Variants in L3MBTL3 observed in about 807,000 individuals in gnomAD.
L3MBTL3 encodes the protein lethal(3)malignant brain tumor-like protein 3.
A neutral mutation model predicts 102.3 loss-of-function variants in L3MBTL3; 27 were observed. The ratio of observed to expected loss-of-function variants is 0.26; its 90% CI spans 0.19 to 0.36. L3MBTL3 has a LOEUF of 0.36. Among genes scored for constraint, L3MBTL3 ranks in the 10% least tolerant of loss-of-function variants. The pLI is 1.00. For missense variants in L3MBTL3, 798 were observed against 955.3 expected (o/e 0.84, Z 2.17); for synonymous variants, 340 against 320.9 (o/e 1.06, Z -0.64).
At chr6:130,030,665 TAAA>T (rs548921467) in intron 2 of L3MBTL3, among the ~76,000 whole-genome samples, 50 of 48,534 alleles carry the variant, frequency 1.0e-3, no homozygotes, top group African/African-American at 1.4e-3. Flanking sequence ...AGACTCTACC[TAAA>T]AAAAAAAAAA....
intron 20 of L3MBTL3, among the ~76,000 whole-genome samples, chr6:130,129,340 A>G (rs965074150): frequency 6.6e-6 from 1 of 152,232 alleles, no homozygotes; most frequent in Non-Finnish European, 1.5e-5. Context: ...GTTCATAAAC[A>G]TAATGAATAT....
chr6:130,021,966 T>G (rs571902380), intron 1 of L3MBTL3, among the ~76,000 whole-genome samples: 2 of 152,356 alleles, frequency 1.3e-5, no homozygotes, highest in Non-Finnish European at 2.9e-5. Flanking sequence ...ATGATCCTTG[T>G]AACTTTCACC....
intron 1 of L3MBTL3, chr6:130,020,392 C>CG (rs1778912115): frequency 8.2e-6 from 1 of 121,866 alleles, no homozygotes; most frequent in Admixed American, 8.1e-5. Context: ...GTGGCACGGG[C>CG]GGGGGGAGGG....
intron 6 of L3MBTL3, 145 bp from the exon 7 acceptor site, chr6:130,052,714 T>G (rs1781182767): frequency 1.1e-6 from 1 of 928,124 alleles, no homozygotes; most frequent in African/African-American, 1.7e-5. Context: ...TATGATATTC[T>G]CATGCCTACA....
intron 10 of L3MBTL3, among the ~76,000 whole-genome samples, chr6:130,065,673 G>A (rs935088267): frequency 1.3e-5 from 2 of 152,140 alleles, no homozygotes; most frequent in African/African-American, 4.8e-5. Flanking sequence ...AGAAGTCTCA[G>A]GGGCTGAACC....
At chr6:130,036,352 T>C in intron 2 of L3MBTL3, among the ~76,000 whole-genome samples, 1 of 152,190 alleles carries the variant, frequency 6.6e-6, no homozygotes, top group East Asian at 1.9e-4. Flanking sequence ...AATTAGATGA[T>C]GGGAGAGACA....
intron 2 of L3MBTL3, among the ~76,000 whole-genome samples, chr6:130,032,016 G>A (rs1237170220): frequency 1.3e-5 from 2 of 152,010 alleles, no homozygotes; most frequent in East Asian, 1.9e-4. Context: ...GGCTCAAAGC[G>A]ATCCCACCTG....
chr6:130,069,674 T>G (rs1392477862), intron 12 of L3MBTL3, among the ~76,000 whole-genome samples: 2 of 152,246 alleles, frequency 1.3e-5, no homozygotes, highest in African/African-American at 2.4e-5. Flanking sequence ...CTGCTGTCTC[T>G]GCTCCAAGTT....
Position 130,086,017 on chromosome 6 carries a change from T to G in L3MBTL3, c.1408-123T>G, listed in dbSNP as rs541277399. 34 of 664,994 alleles carry G rather than the reference T, an allele frequency of 5.1e-5. No individual in the cohort carries two copies. In the African/African-American group the frequency reaches 5.2e-4, roughly 10 times the overall value. The allele number at this position is 664,994 out of a possible 1,614,324, so 41.2% of individuals were successfully genotyped here. On this transcript the variant is annotated intron_variant, in intron 15 of 22. Transcript: ENST00000361794. ...ATCCGCCCGCCTCAGCCTTCCAAAGTGCTGGGATTACAGGTGTGAGCCACC... is the reference window on the plus strand; with the variant it reads ...ATCCGCCCGCCTCAGCCTTCCAAAGGGCTGGGATTACAGGTGTGAGCCACC...
chr6:130,037,024 A>G (rs979871950), intron 2 of L3MBTL3, among the ~76,000 whole-genome samples: 2 of 152,184 alleles, frequency 1.3e-5, no homozygotes, highest in Non-Finnish European at 2.9e-5. Context: ...TTCAGTGTAG[A>G]CTAGAGGGTT....
intron 10 of L3MBTL3, among the ~76,000 whole-genome samples, chr6:130,061,994 T>A (rs1451993514): frequency 6.6e-6 from 1 of 152,080 alleles, no homozygotes; most frequent in African/African-American, 2.4e-5. Flanking sequence ...ACTGGAGTGT[T>A]TGGGGACAGA....
intron 2 of L3MBTL3, among the ~76,000 whole-genome samples, chr6:130,038,371 T>G (rs1398685154): frequency 6.6e-6 from 1 of 152,080 alleles, no homozygotes; most frequent in Non-Finnish European, 1.5e-5. Context: ...GCCATACTAC[T>G]CTATATTCCC....
chr6:130,137,688 A>T (rs1262500558), intron 22 of L3MBTL3: 1 of 152,052 alleles, frequency 6.6e-6, no homozygotes, highest in East Asian at 1.9e-4. Flanking sequence ...TGTCTGCGCC[A>T]GGCCTTCAGT....
At chr6:130,091,309 GTTCATAGAC>G (rs1220856682) in intron 16 of L3MBTL3, among the ~76,000 whole-genome samples, 2 of 151,950 alleles carry the variant, frequency 1.3e-5, no homozygotes, top group Non-Finnish European at 2.9e-5. Flanking sequence ...GGAATGAGAG[GTTCATAGAC>G]TTCTAAAAAG....
chr6:130,065,312 T>G (rs1316412909), intron 10 of L3MBTL3, among the ~76,000 whole-genome samples: 1 of 152,216 alleles, frequency 6.6e-6, no homozygotes, highest in African/African-American at 2.4e-5. Flanking sequence ...TGTGTGTATA[T>G]TAATGTATGT....
At chr6:130,039,092 A>G (rs1780247615) in intron 2 of L3MBTL3, among the ~76,000 whole-genome samples, 1 of 152,108 alleles carries the variant, frequency 6.6e-6, no homozygotes, top group Admixed American at 6.5e-5. Flanking sequence ...TTTGAACAAA[A>G]TTTTCAAGCA....
intron 18 of L3MBTL3, among the ~76,000 whole-genome samples, chr6:130,102,752 C>A (rs1481645155): frequency 6.6e-6 from 1 of 152,206 alleles, no homozygotes; most frequent in Non-Finnish European, 1.5e-5. Context: ...TCTTCCTGAC[C>A]ATTACAGCTC....
At chr6:130,081,287 C>G (rs546721137) in intron 14 of L3MBTL3, among the ~76,000 whole-genome samples, 1 of 152,322 alleles carries the variant, frequency 6.6e-6, no homozygotes, top group South Asian at 2.1e-4. Context: ...TGCAAAGTCA[C>G]ACACATGCAT....
In L3MBTL3 at chr6:130,057,433, G is replaced by C; in HGVS notation, c.695G>C (p.Trp232Ser). The C allele has an allele frequency of 6.2e-7, 1 of 1,610,828 alleles. No homozygotes were observed. Among genetic ancestry groups the C allele is most frequent in the Non-Finnish European group, 8.5e-7 (1 of 1,179,048 alleles). Residue 232 changes from tryptophan to serine, a missense_variant, in exon 9 of 23, where the codon TGG (tryptophan) becomes TCG (serine). This residue lies in a region of L3MBTL3 where 434 missense variants were observed against 506.6 expected (regional missense o/e 0.86). Coordinates refer to ENST00000361794, the MANE Select transcript of L3MBTL3 (RefSeq NM_032438.4). ...QGLPPKGKKA[W>S]CWASYLEEEK... ...TTGCCTCCTAAAGGAAAGAAAGCGTGGTGCTGGGCATCCTACCTGGAAGAG... is the reference window on the plus strand; with the variant it reads ...TTGCCTCCTAAAGGAAAGAAAGCGTCGTGCTGGGCATCCTACCTGGAAGAG...
Sources: gnomAD v4.1 joint callset for allele counts (sites outside exome capture counted in the v4.1 genomes callset) on GRCh38, gnomAD v4.1.1 for gene constraint, gnomAD v4.1.1 regional missense constraint, MANE v1.5 for transcripts, NCBI Gene and HGNC (gene_info 2026-07-23, HGNC 2026-07-21) for gene names.